SLITRK2: variants seen among roughly 807,000 people sequenced by gnomAD.
SLITRK2 encodes the protein SLIT and NTRK like family member 2, also known as SLIT and NTRK-like protein 2.
Under a neutral mutation model 35.4 loss-of-function variants are expected in SLITRK2, and 13 were observed. The observed-to-expected ratio is 0.37, with a 90% CI of 0.24 to 0.58. The LOEUF (loss-of-function observed/expected upper bound fraction) is 0.58, where lower values mean the gene tolerates loss of function less well. Ranked by LOEUF, SLITRK2 falls within the 20% of genes least tolerant of loss-of-function variation. The pLI is 0.75. For missense variants in SLITRK2, 471 were observed against 634.3 expected, an observed-to-expected ratio of 0.74 and a Z score of 2.76; for synonymous variants, 294 against 264.7, an observed-to-expected ratio of 1.11 and a Z score of -1.07.
chrX:145,828,075 C>T lies in SLITRK2; in HGVS notation c.*3112C>T. ...GTTGCTTTCACTATTTCCGAATATA[C>T]CTGTGGCTAAGTTTTTATTGAAACA... On this transcript the variant is annotated 3_prime_UTR_variant, in exon 5 of 5. Coordinates refer to ENST00000335565, the MANE Select transcript of SLITRK2 (RefSeq NM_032539.5). 2 of 988,451 alleles carry T rather than the reference C, an allele frequency of 2.0e-6. No individual in the cohort carries two copies. The highest frequency in any genetic ancestry group is 2.7e-4 in the Middle Eastern group (1 of 3,696). 81.5% of individuals were successfully genotyped at this position (988,451 alleles called of 1,213,427 possible).
At chrX:145,819,864 G>A (rs1556942618) in intron 1 of SLITRK2, 3 of 111,719 alleles carry the variant, frequency 2.7e-5, no homozygotes, top group Non-Finnish European at 5.6e-5. Context: ...TCTGATGCCT[G>A]GTCCAAGGCT....
Position 145,827,798 on chromosome X carries a change from TTC to T in SLITRK2, c.*2837_*2838del. 14 of 1,212,099 alleles carry T rather than the reference TTC, an allele frequency of 1.2e-5. No individual in the cohort carries two copies. Among genetic ancestry groups the T allele is most frequent in the Admixed American group, 2.2e-5 (1 of 46,065 alleles). ...CTCACTAGCATCCCCACTGACTATA[TTC>T]TGTTTTGCTTTATCTGCTCAAGCAC... is the stretch of plus-strand genomic sequence containing the variant. On this transcript the variant is annotated 3_prime_UTR_variant, in exon 5 of 5. Coordinates refer to ENST00000335565, the MANE Select transcript of SLITRK2 (RefSeq NM_032539.5).
Position 145,822,395 on chromosome X carries a change from G to T in SLITRK2, c.-31G>T, listed in dbSNP as rs368673982. On this transcript the variant is annotated 5_prime_UTR_variant, in exon 5 of 5. Coordinates refer to ENST00000335565, the MANE Select transcript of SLITRK2 (RefSeq NM_032539.5). The stretch of plus-strand genomic sequence containing the variant: ...GCCCCCACCTAAGGTTTGCCTGTAG[G>T]TACCTGAGTTGACACCGAAGGTGCC... 290 of 1,177,298 alleles carry T rather than the reference G, an allele frequency of 2.5e-4. 4 individuals carry two copies. In the South Asian group the frequency reaches 5.1e-3, roughly 21 times the overall value.
Position 145,822,449 on chromosome X carries a change from C to T in SLITRK2, c.24C>T (p.Leu8=), listed in dbSNP as rs2124146338. 3 of 1,208,704 alleles carry T rather than the reference C, an allele frequency of 2.5e-6. No homozygotes were observed. The highest frequency in any genetic ancestry group is 3.4e-6 in the Non-Finnish European group (3 of 894,182). ...AGATGCTGAGCGGCGTTTGGTTCCT[C>T]AGTGTGTTAACCGTGGCCGGGATCT... MLSGVWF[L]SVLTVAGILQ... The change falls in exon 5 of 5, where the codon CTC becomes CTT. Residue 8 remains leucine, a synonymous_variant. Coordinates refer to ENST00000335565, the MANE Select transcript of SLITRK2 (RefSeq NM_032539.5).
At position 145,823,028 on chromosome X, in the gene SLITRK2, C is replaced by T. The variant is rs2124163207; in HGVS notation, c.603C>T (p.Val201=). ...TAAAAGTAATGCCTTTTGCTGGCGT[C>T]CTTGAACATATTGGAGGGATCATGG... The part of the protein sequence containing the change: ...NRLKVMPFAG[V]LEHIGGIMEI... The change falls in exon 5 of 5, where the codon GTC becomes GTT. Residue 201 remains valine (V), a synonymous_variant. Transcript: ENST00000335565. The T allele has an allele frequency of 2.5e-6, 3 of 1,211,645 alleles. No individual in the cohort carries two copies. The highest frequency in any genetic ancestry group is 3.4e-6 in the Non-Finnish European group (3 of 895,509).
chrX:145,820,311 A>G (rs1311987943), intron 1 of SLITRK2, 163 bp from the exon 2 acceptor site: 1 of 112,078 alleles, frequency 8.9e-6, no homozygotes, highest in African/African-American at 3.3e-5. Flanking sequence ...ACAATGGAAG[A>G]CTCTTGGGTC....
chrX:145,822,489 C>T lies in SLITRK2; in HGVS notation c.64C>T (p.Arg22Cys), dbSNP rs2124147522. Residue 22 changes from arginine (R) to cysteine (C), a missense_variant, in exon 5 of 5, where the codon CGC becomes TGC. Arg to Cys is a radical substitution (Grantham distance 180, BLOSUM62 -3). Around this residue, in one of 7 missense-constraint regions of SLITRK2, gnomAD observed 98 missense variants for 120.6 expected, o/e 0.81. Transcript: ENST00000335565. ...GGCCGGGATCTTACAGACAGAGAGT[C>T]GCAAAACTGCCAAAGACATTTGCAA... ...TVAGILQTES[R>C]KTAKDICKIR... is the part of the protein sequence containing the mutation. 1 of 1,210,396 alleles carries T rather than the reference C, an allele frequency of 8.3e-7. No homozygotes were observed. The highest frequency in any genetic ancestry group is 1.1e-6 in the Non-Finnish European group (1 of 894,696).
In SLITRK2 at chrX:145,829,302, C is replaced by T. The variant is rs1556946395; in HGVS notation, c.*4339C>T. On this transcript the variant is annotated 3_prime_UTR_variant, in exon 5 of 5. Coordinates refer to ENST00000335565, the MANE Select transcript of SLITRK2 (RefSeq NM_032539.5). ...GAAAACCATTTTATAATACAAATAACCATTCTCTGATTTATCTCTTTTGTA... is the reference window on the plus strand; with the variant it reads ...GAAAACCATTTTATAATACAAATAATCATTCTCTGATTTATCTCTTTTGTA... The T allele has an allele frequency of 8.1e-6, 1 of 123,728 alleles. No homozygotes were observed. Among genetic ancestry groups the T allele is most frequent in the Non-Finnish European group, 1.9e-5 (1 of 53,409 alleles). The allele number at this position is 123,728 out of a possible 1,213,427, so 10.2% of individuals were successfully genotyped here.
rs5904151 is a variant in SLITRK2, at chrX:145,825,169, C to CTTTTTTTTTTTTTTTTTT, written c.*211_*228dup. ...ATTTCTCTCTCGCTCTCCTCCCCTC[C>CTTTTTTTTTTTTTTTTTT]TTTTTTTTTTTTTTTTTTTTTTCTT... On this transcript the variant is annotated 3_prime_UTR_variant, in exon 5 of 5. Coordinates refer to ENST00000335565, the MANE Select transcript of SLITRK2 (RefSeq NM_032539.5). 2 of 162,322 alleles carry CTTTTTTTTTTTTTTTTTT rather than the reference C, an allele frequency of 1.2e-5. No individual in the cohort carries two copies. The highest frequency in any genetic ancestry group is 1.0e-4 in the African/African-American group (2 of 19,624). The allele number at this position is 162,322 out of a possible 1,213,427, so 13.4% of individuals were successfully genotyped here.
chrX:145,824,408 C>T lies in SLITRK2; in HGVS notation c.1983C>T (p.Asp661=), dbSNP rs782651140. 6.6e-6 allele frequency: 8 copies of T among 1,210,786 alleles called. No individual in the cohort carries two copies. The South Asian group carries it at 8.8e-5, about 13-fold the overall frequency. ...PSVPRNTNNL[D]VSSFQLQYGS... is the part of the protein sequence containing the mutation. ...TTCCCAGGAATACCAACAACTTAGA[C>T]GTAAGCTCCTTTCAATTACAGTATG... The change falls in exon 5 of 5, where the codon GAC becomes GAT. Residue 661 remains aspartate, a synonymous_variant. Coordinates refer to ENST00000335565, the MANE Select transcript of SLITRK2 (RefSeq NM_032539.5).
chrX:145,819,721 C>A (rs1260738626), intron 1 of SLITRK2: 1 of 111,849 alleles, frequency 8.9e-6, no homozygotes, highest in Middle Eastern at 4.2e-3. Context: ...GGGTGGGAGG[C>A]CATCCACAGG....
chrX:145,824,219 A>G lies in SLITRK2; in HGVS notation c.1794A>G (p.Thr598=), dbSNP rs1556944752. ...TVLSMNHNTD[T]PRSLSVSPSS... is the part of the protein sequence containing the mutation. ...TGTCAATGAATCACAATACAGACAC[A>G]CCTCGGTCGCTTAGTGTGTCTCCTA... is the stretch of plus-strand genomic sequence containing the variant. Residue 598 remains threonine (T), a synonymous_variant, in exon 5 of 5, where the codon ACA becomes ACG. Transcript: ENST00000335565. The G allele has an allele frequency of 8.3e-7, 1 of 1,210,886 alleles. No individual in the cohort carries two copies. The highest frequency in any genetic ancestry group is 2.2e-5 in the Admixed American group (1 of 45,983).
Position 145,822,896 on chromosome X carries a change from TAAC to T in SLITRK2, c.474_476del (p.Asn158del). 8.3e-7 allele frequency: 1 copy of T among 1,211,372 alleles called. No individual in the cohort carries two copies. The highest frequency in any genetic ancestry group is 1.1e-6 in the Non-Finnish European group (1 of 895,425). ...TCGAGGCTGGGGCATTCAGCAAACT[TAAC>T]AAGCTCAAAGTGCTCATCCTGAATG... On this transcript the variant is annotated inframe_deletion, in exon 5 of 5. Coordinates refer to ENST00000335565, the MANE Select transcript of SLITRK2 (RefSeq NM_032539.5).
chrX:145,824,190 G>A lies in SLITRK2; in HGVS notation c.1765G>A (p.Val589Ile), dbSNP rs368512221. 8.3e-4 allele frequency: 1,003 copies of A among 1,208,159 alleles called. 8 individuals carry two copies. The South Asian group carries it at 0.013, about 16-fold the overall frequency. ...CAGCCCAAACTTGTCAGATGGAACC[G>A]TCTTGTCAATGAATCACAATACAGA... Reference protein sequence around the residue: ...PDSPNLSDGTVLSMNHNTDTP... With the variant: ...PDSPNLSDGTILSMNHNTDTP... Residue 589 changes from valine to isoleucine, a missense_variant, in exon 5 of 5, where the codon GTC becomes ATC. Physicochemically the swap from Val to Ile is conservative, Grantham distance 29. This residue lies in a region of SLITRK2 where 190 missense variants were observed against 199.3 expected (regional missense o/e 0.95). Coordinates refer to ENST00000335565, the MANE Select transcript of SLITRK2 (RefSeq NM_032539.5).
At chrX:145,819,085 G>C (rs782579181) in intron 1 of SLITRK2, 2 of 110,949 alleles carry the variant, frequency 1.8e-5, no homozygotes, top group Non-Finnish European at 3.8e-5. Flanking sequence ...GATTCTGTAG[G>C]TCTCAAGAAT....
At position 145,823,421 on chromosome X, in the gene SLITRK2, C is replaced by A. The variant is rs782496866; in HGVS notation, c.996C>A (p.Thr332=). The change falls in exon 5 of 5, where the codon ACC becomes ACA. Residue 332 remains threonine (T), a synonymous_variant. Coordinates refer to ENST00000335565, the MANE Select transcript of SLITRK2 (RefSeq NM_032539.5). ...TTGGACCCATCATGGTGTACCAGACCAAGTCTCCTGTGCCTCTCACCTGTC... is the reference window on the plus strand; with the variant it reads ...TTGGACCCATCATGGTGTACCAGACAAAGTCTCCTGTGCCTCTCACCTGTC... The part of the protein sequence containing the change: ...QSFGPIMVYQ[T]KSPVPLTCPS... 2.5e-6 allele frequency: 3 copies of A among 1,211,214 alleles called. No homozygotes were observed. The highest frequency in any genetic ancestry group is 3.5e-5 in the South Asian group (2 of 56,975).
rs1486834805 is a variant in SLITRK2, at chrX:145,826,286, C to T, written c.*1323C>T. 1 of 111,968 alleles carries T rather than the reference C, an allele frequency of 8.9e-6. No individual in the cohort carries two copies. Among genetic ancestry groups the T allele is most frequent in the Non-Finnish European group, 1.9e-5 (1 of 53,159 alleles). 9.2% of individuals were successfully genotyped at this position (111,968 alleles called of 1,213,427 possible). A position where few individuals can be genotyped will look rare whatever the true frequency, so the allele number is the denominator to read the frequency against. On this transcript the variant is annotated 3_prime_UTR_variant, in exon 5 of 5. Transcript: ENST00000335565. ...TCAAGTTTAACACTTTCTGACAAAA[C>T]AGCATTTTCCTCTTGAGTTTAATTG...
rs782731039 is a variant in SLITRK2 at position 145,823,238 on chromosome X, C to T, written c.813C>T (p.Ser271=). ...DLCPRKSASD[S]SQRGSHADTH... ...GTCCCAGAAAAAGTGCCAGTGATTC[C>T]AGTCAGAGGGGCAGCCATGCTGACA... The change falls in exon 5 of 5, where the codon TCC becomes TCT. Residue 271 remains serine, a synonymous_variant. Transcript: ENST00000335565. 3.3e-6 allele frequency: 4 copies of T among 1,211,828 alleles called. No homozygotes were observed. Among genetic ancestry groups the T allele is most frequent in the Non-Finnish European group, 4.5e-6 (4 of 895,494 alleles).
At position 145,825,298 on chromosome X, in the gene SLITRK2, T is replaced by C. The variant is rs781875239; in HGVS notation, c.*335T>C. On this transcript the variant is annotated 3_prime_UTR_variant, in exon 5 of 5. Coordinates refer to ENST00000335565, the MANE Select transcript of SLITRK2 (RefSeq NM_032539.5). ...TTTGTTTCTTTTTTCTTCTTTGTTT[T>C]TCAGTGTGGGAGTGGGAAGAGGAGA... 63 of 200,603 alleles carry C rather than the reference T, an allele frequency of 3.1e-4. No individual in the cohort carries two copies. The highest frequency in any genetic ancestry group is 1.7e-3 in the African/African-American group (58 of 33,156). 16.5% of individuals were successfully genotyped at this position (200,603 alleles called of 1,213,427 possible). A position where few individuals can be genotyped will look rare whatever the true frequency, so the allele number is the denominator to read the frequency against.
Sources: gnomAD v4.1 joint callset for allele counts on GRCh38, gnomAD v4.1.1 for gene constraint, gnomAD v4.1.1 regional missense constraint, MANE v1.5 for transcripts, NCBI Gene and HGNC (gene_info 2026-07-23, HGNC 2026-07-21) for gene names.